EDRF1: variants seen among roughly 807,000 people sequenced by gnomAD.
The protein encoded by EDRF1 is erythroid differentiation-related factor 1.
Under a neutral mutation model 148.7 loss-of-function variants are expected in EDRF1, and 69 were observed. The observed-to-expected ratio is 0.46, with a 90% confidence interval of 0.38 to 0.57. The LOEUF (loss-of-function observed/expected upper bound fraction) is 0.57. Ranked by LOEUF, EDRF1 falls within the 20% of genes least tolerant of loss-of-function variation. The pLI is 0.00. For missense variants in EDRF1, 1,118 were observed against 1,478.7 expected, an observed-to-expected ratio of 0.76 and a Z score of 4.00; for synonymous variants, 515 against 532.8, an observed-to-expected ratio of 0.97 and a Z score of 0.46.
chr10:125,753,731 C>A lies in EDRF1; in HGVS notation c.3431C>A (p.Ser1144Tyr). 6.2e-7 allele frequency: 1 copy of A among 1,613,918 alleles called. No individual in the cohort carries two copies. The highest frequency in any genetic ancestry group is 8.5e-7 in the Non-Finnish European group (1 of 1,180,006). ...GACGCCGCTGCAGCTGCTGATGCTT[C>A]TCCTAGTCTCAATCGAGAAGAAGTG... ...SGDAAAAADA[S>Y]PSLNREEVMK... Residue 1144 changes from serine to tyrosine, a missense_variant, in exon 24 of 25, where the codon TCT (serine) becomes TAT (tyrosine). Ser to Tyr is a moderately radical substitution (Grantham distance 144). Coordinates refer to ENST00000356792, the MANE Select transcript of EDRF1 (RefSeq NM_001202438.2).
Position 125,734,198 on chromosome 10 carries a change from T to G in EDRF1, c.1497+15T>G. On this transcript the variant is annotated intron_variant, in intron 12 of 24. Coordinates refer to ENST00000356792, the MANE Select transcript of EDRF1 (RefSeq NM_001202438.2). ...GGCATCCTCAAGTAAGATTAACATTTATGTATTCTCTAAAACAATCCTAGC... is the reference window on the plus strand; with the variant it reads ...GGCATCCTCAAGTAAGATTAACATTGATGTATTCTCTAAAACAATCCTAGC... 6.4e-7 allele frequency: 1 copy of G among 1,554,426 alleles called. No individual in the cohort carries two copies. Among genetic ancestry groups the G allele is most frequent in the South Asian group, 1.1e-5 (1 of 89,744 alleles).
intron 4 of EDRF1, among the ~76,000 whole-genome samples, chr10:125,725,072 A>G (rs1449713159): frequency 6.6e-6 from 1 of 152,222 alleles, no homozygotes; most frequent in Non-Finnish European, 1.5e-5. Flanking sequence ...GCAGCTGCTA[A>G]GGAACATGTT....
At chr10:125,728,598 T>C (rs10794019) in intron 6 of EDRF1, among the ~76,000 whole-genome samples, 101,806 of 151,940 alleles carry the variant, frequency 0.67, 35,541 homozygotes, top group East Asian at 0.89. Context: ...CTCAAGCAGT[T>C]CTCCCCTGTC....
At chr10:125,734,393 T>G (rs1848630208) in intron 12 of EDRF1, among the ~76,000 whole-genome samples, 1 of 152,148 alleles carries the variant, frequency 6.6e-6, no homozygotes, top group Non-Finnish European at 1.5e-5. Flanking sequence ...ATTTTGAAGA[T>G]TGGATGTCTG....
chr10:125,738,247 G>A lies in EDRF1; in HGVS notation c.1831-48G>A, dbSNP rs148751873. 8.0e-5 allele frequency: 129 copies of A among 1,610,046 alleles called. 1 individual carries two copies. In the African/African-American group the frequency reaches 1.6e-3, roughly 20 times the overall value. On this transcript the variant is annotated intron_variant, in intron 14 of 24. Coordinates refer to ENST00000356792, the MANE Select transcript of EDRF1 (RefSeq NM_001202438.2). ...GATACTGTCTTATATTTAGTTTTCA[G>A]TTGACCTGAAGTTAGATAGATAGTG... is the stretch of plus-strand genomic sequence containing the variant.
chr10:125,722,234 T>C (rs116555057), intron 2 of EDRF1, among the ~76,000 whole-genome samples: 2,014 of 152,342 alleles, frequency 0.013, 46 homozygotes, highest in African/African-American at 0.046. Flanking sequence ...TTAAATGTTG[T>C]GAGGAAATTT....
intron 6 of EDRF1, among the ~76,000 whole-genome samples, chr10:125,728,461 A>G (rs1266567833): frequency 6.6e-6 from 1 of 152,150 alleles, no homozygotes; most frequent in Non-Finnish European, 1.5e-5. Context: ...TCATCAGGAA[A>G]TGCTAAACTG....
At chr10:125,741,517 A>G (rs953654800) in intron 17 of EDRF1, 8 of 377,018 alleles carry the variant, frequency 2.1e-5, no homozygotes, top group African/African-American at 1.7e-4. Flanking sequence ...CTGGGATTAC[A>G]GGTGTGAGCC....
chr10:125,738,311 A>C lies in EDRF1; in HGVS notation c.1847A>C (p.Asp616Ala). 6.2e-7 allele frequency: 1 copy of C among 1,614,102 alleles called. No homozygotes were observed. The highest frequency in any genetic ancestry group is 8.5e-7 in the Non-Finnish European group (1 of 1,179,990). Residue 616 changes from aspartate (D) to alanine (A), a missense_variant, in exon 15 of 25, where the codon GAT becomes GCT. Physicochemically the swap from Asp to Ala is moderately radical, Grantham distance 126. Transcript: ENST00000356792. ...TTTTTGCAGGGTTTAAAATCTGTCG[A>C]TAGCAGCATCAAAAAAGAAAGCGAC... ...SYVLEGLKSVDSSIKKESDLP... is the reference protein window; with the variant it reads ...SYVLEGLKSVASSIKKESDLP...
intron 15 of EDRF1, among the ~76,000 whole-genome samples, chr10:125,739,865 A>T (rs1316589118): frequency 6.6e-6 from 1 of 152,250 alleles, no homozygotes; most frequent in South Asian, 2.1e-4. Flanking sequence ...TGCCTGGCAC[A>T]GTACTTGGCA....
At chr10:125,733,862 A>G (rs903305253) in intron 11 of EDRF1, 119 bp downstream of exon 11, 1 of 977,008 alleles carries the variant, frequency 1.0e-6, no homozygotes, top group Non-Finnish European at 1.6e-6. Flanking sequence ...AGTAGGGGGA[A>G]AAATACACGT....
At chr10:125,739,097 C>T (rs959489433) in intron 15 of EDRF1, among the ~76,000 whole-genome samples, 2 of 151,780 alleles carry the variant, frequency 1.3e-5, no homozygotes, top group Admixed American at 6.6e-5. Context: ...ATTTCTTTCC[C>T]CCTTTTAAAT....
chr10:125,761,747 A>T (rs1450855148), intron 24 of EDRF1, among the ~76,000 whole-genome samples: 1 of 152,240 alleles, frequency 6.6e-6, no homozygotes, highest in East Asian at 1.9e-4. Flanking sequence ...ACAAATCAAA[A>T]GATTTTAAGT....
chr10:125,752,065 C>T (rs1000810912), intron 22 of EDRF1: 28 of 152,336 alleles, frequency 1.8e-4, no homozygotes, highest in African/African-American at 6.7e-4. Context: ...TCTTTGTCTC[C>T]AGTGCCTCCA....
At chr10:125,736,038 T>C in intron 13 of EDRF1, 134 bp downstream of exon 13, 1 of 942,132 alleles carries the variant, frequency 1.1e-6, no homozygotes, top group Non-Finnish European at 1.6e-6. Context: ...ATTAGTTTTC[T>C]GAATTCTTAA....
chr10:125,751,287 T>A (rs1849621637), intron 22 of EDRF1, among the ~76,000 whole-genome samples: 1 of 152,226 alleles, frequency 6.6e-6, no homozygotes, highest in Admixed American at 6.5e-5. Context: ...GTGAGTACTT[T>A]AGAAAATAAT....
At chr10:125,749,063 C>G in intron 21 of EDRF1, 1 of 331,880 alleles carries the variant, frequency 3.0e-6, no homozygotes, top group South Asian at 2.6e-5. Context: ...GCAGCCTAGC[C>G]AACATGACAA....
chr10:125,743,389 C>A, intron 18 of EDRF1, 113 bp downstream of exon 18: 2 of 822,332 alleles, frequency 2.4e-6, no homozygotes, highest in Non-Finnish European at 4.1e-6. Context: ...TAAAGAGGTG[C>A]TCTATTAGAG....
At chr10:125,735,380 G>A (rs1402531595) in intron 12 of EDRF1, among the ~76,000 whole-genome samples, 1 of 152,090 alleles carries the variant, frequency 6.6e-6, no homozygotes, top group Non-Finnish European at 1.5e-5. Context: ...TGTCTCCAGT[G>A]AAATTCAGTT....
Sources: gnomAD v4.1 joint callset for allele counts (sites outside exome capture counted in the v4.1 genomes callset) on GRCh38, gnomAD v4.1.1 for gene constraint, MANE v1.5 for transcripts, NCBI Gene and HGNC (gene_info 2026-07-23, HGNC 2026-07-21) for gene names.